The following ANXA4 variants were observed in gnomAD, a reference collection of about 807,000 sequenced individuals.
ANXA4 encodes annexin A4.
In ANXA4, 39 loss-of-function variants were observed where a neutral mutation model predicts 49.8. That is an observed-to-expected ratio of 0.78 (90% CI 0.61 to 1.02). ANXA4 has a LOEUF of 1.02. ANXA4 is among the 50% of genes least tolerant of loss of function. ANXA4 has a pLI of 0.00. For synonymous variants in ANXA4, 134 were observed against 152.5 expected (o/e 0.88, Z 0.89); for missense variants, 360 against 410.1 (o/e 0.88, Z 1.05).
At chr2:69,669,467 C>T (rs778421595) in intron 2 of ANXA4, among the ~76,000 whole-genome samples, 8 of 151,538 alleles carry the variant, frequency 5.3e-5, no homozygotes, top group Non-Finnish European at 1.2e-4. Flanking sequence ...AAAAATTAGC[C>T]AGGCATGGTA....
chr2:69,741,816 C>T (rs571661447), upstream of ANXA4, among the ~76,000 whole-genome samples: 359 of 152,348 alleles, frequency 2.4e-3, no homozygotes, highest in Admixed American at 6.1e-3. Context: ...AATCCAACTG[C>T]TCCCACCCTG....
Position 69,722,329 on chromosome 2 carries a change from G to A in ANXA4, n.864+1458G>A, listed in dbSNP as rs72901486. Among the ~76,000 whole-genome samples, 758 of 152,242 alleles carry A rather than the reference G, an allele frequency of 5.0e-3. 9 individuals carry two copies. The highest frequency in any genetic ancestry group is 0.017 in the African/African-American group (697 of 41,546). ...CTCACGCTTGCATGCCAGTGTTCAC[G>A]GCAGCGTTATTCGCCATAGCCAAAA... On this transcript the variant is annotated intron_variant and non_coding_transcript_variant, in intron 3 of 3. Transcript: ENST00000418066.
intron 2 of ANXA4, among the ~76,000 whole-genome samples, chr2:69,712,331 C>T (rs751286665): frequency 1.2e-4 from 18 of 152,344 alleles, no homozygotes; most frequent in Non-Finnish European, 2.6e-4. Flanking sequence ...AGAGTTCACT[C>T]TCTTGGTCCT....
intron 2 of ANXA4, among the ~76,000 whole-genome samples, chr2:69,667,707 C>G (rs1424490210): frequency 6.6e-6 from 1 of 152,180 alleles, no homozygotes; most frequent in Non-Finnish European, 1.5e-5. Context: ...TATCTATTGA[C>G]CCAACAATGT....
At chr2:69,695,767 T>C (rs988238342) in intron 2 of ANXA4, among the ~76,000 whole-genome samples, 1 of 152,134 alleles carries the variant, frequency 6.6e-6, no homozygotes, top group African/African-American at 2.4e-5. Flanking sequence ...ATAAAGCAAA[T>C]ATTTGGAATA....
chr2:69,768,164 A>C (rs1478846495), intron 1 of ANXA4, among the ~76,000 whole-genome samples: 2 of 152,214 alleles, frequency 1.3e-5, no homozygotes, highest in Non-Finnish European at 2.9e-5. Flanking sequence ...ACTTCTCTAA[A>C]ACTTAAATTA....
At chr2:69,814,792 G>C (rs1054879102) in intron 8 of ANXA4, 8 of 47,626 alleles carry the variant, frequency 1.7e-4, no homozygotes, top group Non-Finnish European at 3.1e-4. Flanking sequence ...GTGTGTGTGT[G>C]TGAGAGAAAG....
At chr2:69,660,663 A>G (rs1389968822) in intron 2 of ANXA4, among the ~76,000 whole-genome samples, 1 of 152,206 alleles carries the variant, frequency 6.6e-6, no homozygotes, top group East Asian at 1.9e-4. Context: ...AATGAAAGAC[A>G]TAATCACCAA....
rs536751255 is a variant in ANXA4 at position 69,770,164 on chromosome 2, G to A, written c.-46-11356G>A. Reference sequence around the variant, plus strand: ...TTCATTCCTTTACCTTCTACATCTTGCCTTTGAATACACGTTTAAAATGTT... The same window carrying A: ...TTCATTCCTTTACCTTCTACATCTTACCTTTGAATACACGTTTAAAATGTT... On this transcript the variant is annotated intron_variant, in intron 1 of 12. Coordinates refer to ENST00000394295, the MANE Select transcript of ANXA4 (RefSeq NM_001153.5). Among the ~76,000 whole-genome samples, 5 of 152,170 alleles carry A rather than the reference G, an allele frequency of 3.3e-5. No homozygotes were observed. In the East Asian group the frequency reaches 7.7e-4, roughly 23 times the overall value.
intron 2 of ANXA4, among the ~76,000 whole-genome samples, chr2:69,695,909 C>T (rs1253395900): frequency 6.8e-6 from 1 of 146,192 alleles, no homozygotes; most frequent in Non-Finnish European, 1.5e-5. Context: ...TACTTTTTTG[C>T]TAAAAAAAAA....
chr2:69,685,390 G>T (rs926903486), intron 2 of ANXA4, among the ~76,000 whole-genome samples: 1 of 152,122 alleles, frequency 6.6e-6, no homozygotes, highest in African/African-American at 2.4e-5. Flanking sequence ...AAGACAGAGA[G>T]ATATAAACTG....
At chr2:69,771,842 A>G (rs1559171039) in intron 1 of ANXA4, among the ~76,000 whole-genome samples, 1 of 152,226 alleles carries the variant, frequency 6.6e-6, no homozygotes, top group East Asian at 1.9e-4. Flanking sequence ...CCATGAATTT[A>G]TGTAATCTTA....
In ANXA4 at chr2:69,649,924, A is replaced by ATTTTTTTTTT. The variant is rs35212855; in HGVS notation, n.482-3054_482-3045dup. On this transcript the variant is annotated intron_variant and non_coding_transcript_variant, in intron 1 of 3. Coordinates refer to the ANXA4 transcript ENST00000418066. ...GGTGTGAGCCACTGTGCCTGGCCTG[A>ATTTTTTTTTT]TTTTTTTTTTTTTTTTTTTTTTTTT... is the stretch of plus-strand genomic sequence containing the variant. Among the ~76,000 whole-genome samples, 20 of 52,038 alleles carry ATTTTTTTTTT rather than the reference A, an allele frequency of 3.8e-4. 2 individuals are homozygous for ATTTTTTTTTT. Among genetic ancestry groups the ATTTTTTTTTT allele is most frequent in the Non-Finnish European group, 6.2e-4 (20 of 32,384 alleles). 34.1% of individuals were successfully genotyped at this position (52,038 alleles called of 152,430 possible).
chr2:69,772,606 C>G (rs894524663), intron 1 of ANXA4, among the ~76,000 whole-genome samples: 1 of 152,130 alleles, frequency 6.6e-6, no homozygotes, highest in African/African-American at 2.4e-5. Context: ...TGAGGCCTTA[C>G]CAGGTGCCAG....
chr2:69,775,315 C>G (rs1430563648), intron 1 of ANXA4, among the ~76,000 whole-genome samples: 2 of 152,214 alleles, frequency 1.3e-5, no homozygotes, highest in Non-Finnish European at 2.9e-5. Context: ...TTATCTGTTA[C>G]AGATAATAAC....
intron 2 of ANXA4, among the ~76,000 whole-genome samples, chr2:69,700,023 A>G (rs527841256): frequency 5.3e-5 from 8 of 152,330 alleles, no homozygotes; most frequent in Non-Finnish European, 1.0e-4. Context: ...AGAGAATGGA[A>G]GGAGAGAGGG....
At chr2:69,680,560 T>C (rs1244675171) in intron 2 of ANXA4, among the ~76,000 whole-genome samples, 1 of 152,182 alleles carries the variant, frequency 6.6e-6, no homozygotes, top group Non-Finnish European at 1.5e-5. Context: ...GTGGTGCAAG[T>C]GGGCATCCTT....
At chr2:69,715,494 CATCACGCCTGGCCAA>C (rs1299520871) in intron 2 of ANXA4, among the ~76,000 whole-genome samples, 1 of 152,206 alleles carries the variant, frequency 6.6e-6, no homozygotes, top group Non-Finnish European at 1.5e-5. Flanking sequence ...AGGCATAAGC[CATCACGCCTGGCCAA>C]ATCATGGTTT....
chr2:69,803,513 C>T (rs890943867), intron 3 of ANXA4: 2 of 152,166 alleles, frequency 1.3e-5, no homozygotes, highest in African/African-American at 4.8e-5. Flanking sequence ...CTGCAAGAAA[C>T]AGGCAAGCAA....
Sources: gnomAD v4.1 joint callset for allele counts (sites outside exome capture counted in the v4.1 genomes callset) on GRCh38, gnomAD v4.1.1 for gene constraint, MANE v1.5 for transcripts, NCBI Gene and HGNC (gene_info 2026-07-23, HGNC 2026-07-21) for gene names.